Variants in CACUL1 observed in about 807,000 individuals in gnomAD.
The protein encoded by CACUL1 is CDK2-associated and cullin domain-containing protein 1.
Under a neutral mutation model 45.2 loss-of-function variants are expected in CACUL1, and 13 were observed. That is an observed-to-expected ratio of 0.29 (90% CI 0.19 to 0.46). CACUL1 has a LOEUF of 0.46. CACUL1 is among the 20% of genes least tolerant of loss of function. The probability of loss-of-function intolerance (pLI) is 1.00; values close to 1 mark genes in which losing one functional copy is unlikely to be tolerated. For missense variants in CACUL1, 421 were observed against 471.4 expected, an observed-to-expected ratio of 0.89 and a Z score of 0.99; for synonymous variants, 197 against 174.2, an observed-to-expected ratio of 1.13 and a Z score of -1.03.
At position 118,754,816 on chromosome 10, in the gene CACUL1, C is replaced by A. The variant is rs977259071; in HGVS notation, c.-54G>T. The stretch of plus-strand genomic sequence containing the variant: ...CACAGGCACCTGCCGCCTGTCTCAA[C>A]CCCGGGCCAGCGGGCACCGCTGCCT... On this transcript the variant is annotated 5_prime_UTR_variant, in exon 1 of 9. Transcript: ENST00000369151. 6.6e-7 allele frequency: 1 copy of A among 1,506,306 alleles called. No individual in the cohort carries two copies. Among genetic ancestry groups the A allele is most frequent in the Non-Finnish European group, 8.8e-7 (1 of 1,132,106 alleles). 93.3% of individuals were successfully genotyped at this position (1,506,306 alleles called of 1,614,324 possible). A position where few individuals can be genotyped will look rare whatever the true frequency, so the allele number is the denominator to read the frequency against.
intron 1 of CACUL1, among the ~76,000 whole-genome samples, chr10:118,736,722 T>C (rs1240470691): frequency 6.6e-6 from 1 of 152,156 alleles, no homozygotes; most frequent in African/African-American, 2.4e-5. Flanking sequence ...AGAAAGGCCT[T>C]CACTTTCACT....
At chr10:118,697,643 A>T (rs1309501504) in intron 5 of CACUL1, among the ~76,000 whole-genome samples, 2 of 152,196 alleles carry the variant, frequency 1.3e-5, no homozygotes, top group African/African-American at 4.8e-5. Flanking sequence ...AACTGAAAAT[A>T]CTCTTGGCTT....
intron 1 of CACUL1, among the ~76,000 whole-genome samples, chr10:118,740,735 G>A (rs907495928): frequency 6.6e-6 from 1 of 152,046 alleles, no homozygotes; most frequent in Non-Finnish European, 1.5e-5. Context: ...GACCATCCTG[G>A]CTAACACGGT....
rs11595709 is a variant in CACUL1 at position 118,693,424 on chromosome 10, A to G, written c.886+1717T>C. The G allele has an allele frequency of 3.8e-3, 694 of 183,802 alleles. 3 individuals are homozygous for G. Among genetic ancestry groups the G allele is most frequent in the Non-Finnish European group, 6.9e-3 (593 of 86,298 alleles). The allele number at this position is 183,802 out of a possible 1,614,324, so 11.4% of individuals were successfully genotyped here. On this transcript the variant is annotated intron_variant, in intron 6 of 8. Coordinates refer to ENST00000369151, the MANE Select transcript of CACUL1 (RefSeq NM_153810.5). ...CAGGGCAGCAAAAGGTTAGTATGTGATAAAATTCACCTTTTCAAAAGGACA... is the reference window on the plus strand; with the variant it reads ...CAGGGCAGCAAAAGGTTAGTATGTGGTAAAATTCACCTTTTCAAAAGGACA...
At position 118,718,425 on chromosome 10, in the gene CACUL1, C is replaced by A. The variant is rs977406639; in HGVS notation, c.598-10838G>T. ...GCTGTGGGCCAAATCTTGTCTACACCCTGTTTTGATTAAGTACAGTTGTTT... is the reference window on the plus strand; with the variant it reads ...GCTGTGGGCCAAATCTTGTCTACACACTGTTTTGATTAAGTACAGTTGTTT... On this transcript the variant is annotated intron_variant, in intron 3 of 8. Transcript: ENST00000369151. Among the ~76,000 whole-genome samples the A allele has an allele frequency of 2.6e-5, 4 of 152,120 alleles. No individual in the cohort carries two copies. In the East Asian group the frequency reaches 7.7e-4, roughly 29 times the overall value.
At chr10:118,718,316 G>A (rs1028650155) in intron 3 of CACUL1, among the ~76,000 whole-genome samples, 1 of 152,204 alleles carries the variant, frequency 6.6e-6, no homozygotes, top group African/African-American at 2.4e-5. Flanking sequence ...GGTTGCCACA[G>A]GGTGTGTGGG....
At chr10:118,709,837 A>G (rs1350626823) in intron 3 of CACUL1, among the ~76,000 whole-genome samples, 2 of 152,100 alleles carry the variant, frequency 1.3e-5, no homozygotes, top group African/African-American at 4.8e-5. Context: ...TATTTTTTCT[A>G]ATTCATCGTA....
At chr10:118,691,498 C>T in intron 6 of CACUL1, 95 bp from the exon 7 acceptor site, 1 of 1,098,696 alleles carries the variant, frequency 9.1e-7, no homozygotes, top group South Asian at 1.4e-5. Context: ...TATAGTAAGC[C>T]AAATTTAAGC....
At chr10:118,750,128 AC>A (rs1845882743) in intron 1 of CACUL1, among the ~76,000 whole-genome samples, 1 of 152,198 alleles carries the variant, frequency 6.6e-6, no homozygotes, top group South Asian at 2.1e-4. Context: ...GGAGTTTGAG[AC>A]CAGCCTGACC....
chr10:118,719,929 G>A (rs891321367), intron 3 of CACUL1, among the ~76,000 whole-genome samples: 1 of 151,946 alleles, frequency 6.6e-6, no homozygotes, highest in African/African-American at 2.4e-5. Context: ...TAGTGATATA[G>A]AAGGTAACTG....
intron 4 of CACUL1, among the ~76,000 whole-genome samples, chr10:118,705,429 T>A (rs776999953): frequency 1.1e-4 from 16 of 152,224 alleles, no homozygotes; most frequent in Non-Finnish European, 1.8e-4. Context: ...CTATTGACAT[T>A]TAAGACCTGA....
chr10:118,707,552 A>G lies in CACUL1; in HGVS notation c.633T>C (p.Asn211=). 1 of 1,584,986 alleles carries G rather than the reference A, an allele frequency of 6.3e-7. No individual in the cohort carries two copies. The highest frequency in any genetic ancestry group is 8.7e-7 in the Non-Finnish European group (1 of 1,154,080). Residue 211 remains asparagine (N), a synonymous_variant, in exon 4 of 9, where the codon AAT becomes AAC. Coordinates refer to ENST00000369151, the MANE Select transcript of CACUL1 (RefSeq NM_153810.5). ...SPPDLYIERF[N]IALGQYMGAL... ...CTCCCATATATTGTCCAAGAGCTATATTAAATCTTTCAATATAGAGATCTG... is the reference window on the plus strand; with the variant it reads ...CTCCCATATATTGTCCAAGAGCTATGTTAAATCTTTCAATATAGAGATCTG...
intron 1 of CACUL1, among the ~76,000 whole-genome samples, chr10:118,732,147 C>T (rs1232386102): frequency 6.6e-6 from 1 of 152,138 alleles, no homozygotes; most frequent in Non-Finnish European, 1.5e-5. Context: ...TGGATCATTC[C>T]AGCAGCTGTG....
At chr10:118,740,636 T>C (rs193261056) in intron 1 of CACUL1, among the ~76,000 whole-genome samples, 1 of 150,448 alleles carries the variant, frequency 6.6e-6, no homozygotes, top group Non-Finnish European at 1.5e-5. Context: ...TTTTTAAAAC[T>C]GTGATAGTGG....
Position 118,681,352 on chromosome 10 carries a change from C to T in CACUL1, c.*4776G>A, listed in dbSNP as rs1200251143. The T allele has an allele frequency of 6.6e-6, 1 of 152,176 alleles. No homozygotes were observed. Among genetic ancestry groups the T allele is most frequent in the Non-Finnish European group, 1.5e-5 (1 of 68,038 alleles). The allele number at this position is 152,176 out of a possible 1,614,324, so 9.4% of individuals were successfully genotyped here. ...CTAGCCATAGCTTCCCATGACTTCA[C>T]ATTTGAGTAAGTTATCCTGAAGTGT... On this transcript the variant is annotated 3_prime_UTR_variant, in exon 9 of 9. Transcript: ENST00000369151.
chr10:118,707,704 A>AAC (rs1845446105), intron 3 of CACUL1, 117 bp from the exon 4 acceptor site: 1 of 442,566 alleles, frequency 2.3e-6, no homozygotes, highest in African/African-American at 2.1e-5. Flanking sequence ...CAATTAACAA[A>AAC]AAAAAAAAAA....
intron 1 of CACUL1, among the ~76,000 whole-genome samples, chr10:118,742,860 CAT>C (rs1845805424): frequency 6.6e-6 from 1 of 152,096 alleles, no homozygotes; most frequent in South Asian, 2.1e-4. Flanking sequence ...GACTTTAATA[CAT>C]TATACTGGCA....
chr10:118,683,204 T>C lies in CACUL1; in HGVS notation c.*2924A>G, dbSNP rs1456725791. 1 of 152,064 alleles carries C rather than the reference T, an allele frequency of 6.6e-6. No homozygotes were observed. Among genetic ancestry groups the C allele is most frequent in the African/African-American group, 2.4e-5 (1 of 41,380 alleles). The allele number at this position is 152,064 out of a possible 1,614,324, so 9.4% of individuals were successfully genotyped here. ...CAAGATGACTGACCCGGCTTTCCTT[T>C]TAAGGAGCCAGTTTCAGGCTGCACA... On this transcript the variant is annotated 3_prime_UTR_variant, in exon 9 of 9. Coordinates refer to ENST00000369151, the MANE Select transcript of CACUL1 (RefSeq NM_153810.5).
At position 118,754,766 on chromosome 10, in the gene CACUL1, G is replaced by C; in HGVS notation, c.-4C>G. The stretch of plus-strand genomic sequence containing the variant: ...CCTCTTCCATGCTTTCCTCCATCCT[G>C]CTGGCCCCCGGCACCCGCCCGCCTC... On this transcript the variant is annotated 5_prime_UTR_variant, in exon 1 of 9. Coordinates refer to ENST00000369151, the MANE Select transcript of CACUL1 (RefSeq NM_153810.5). 6.4e-7 allele frequency: 1 copy of C among 1,551,410 alleles called. No individual in the cohort carries two copies. Among genetic ancestry groups the C allele is most frequent in the South Asian group, 1.2e-5 (1 of 82,378 alleles).
Sources: allele counts gnomAD v4.1 joint callset (sites outside exome capture counted in the v4.1 genomes callset), GRCh38; gene constraint gnomAD v4.1.1; transcripts MANE v1.5; gene names NCBI Gene and HGNC (gene_info 2026-07-23, HGNC 2026-07-21).